The following HMCN2 variants were observed in gnomAD, a reference collection of about 807,000 sequenced individuals.
HMCN2 encodes the protein hemicentin 2, also known as hemicentin-2.
Under a neutral mutation model 377.5 loss-of-function variants are expected in HMCN2, and 325 were observed. That is an observed-to-expected ratio of 0.86 (90% confidence interval 0.79 to 0.94). The LOEUF (loss-of-function observed/expected upper bound fraction) is 0.94, where lower values mean the gene tolerates loss of function less well. Ranked by LOEUF, HMCN2 falls within the 40% of genes least tolerant of loss-of-function variation. The pLI is 0.00. For synonymous variants in HMCN2, 2,007 were observed against 2,046.8 expected (o/e 0.98, Z 0.53); for missense variants, 4,543 against 4,725.3 (o/e 0.96, Z 1.13).
At position 130,422,479 on chromosome 9, in the gene HMCN2, C is replaced by G; in HGVS notation, c.13232-98C>G. ...AAGTGGAGGTGAACTCTCCGAGCCTCCATTTACTCCTTCACGAAATGGGAA... is the reference window on the plus strand; with the variant it reads ...AAGTGGAGGTGAACTCTCCGAGCCTGCATTTACTCCTTCACGAAATGGGAA... On this transcript the variant is annotated intron_variant, in intron 86 of 97. Transcript: ENST00000683500. This position sits in a 1 kb window ranked among gnomAD's most constrained non-coding sequence, Gnocchi z 4.2. 1.0e-6 allele frequency: 1 copy of G among 970,602 alleles called. No individual in the cohort carries two copies. Among genetic ancestry groups the G allele is most frequent in the Non-Finnish European group, 1.4e-6 (1 of 737,972 alleles). The allele number at this position is 970,602 out of a possible 1,614,324, so 60.1% of individuals were successfully genotyped here. A position where few individuals can be genotyped will look rare whatever the true frequency, so the allele number is the denominator to read the frequency against.
rs916668962 is a variant in HMCN2 at position 130,403,182 on chromosome 9, C to A, written c.11879-12C>A. ...ACATTCTCAGGGCCCTCTGCACCCC[C>A]GTCCTTTGTAGCCTCCCCGGTGGTG... On this transcript the variant is annotated splice_polypyrimidine_tract_variant and intron_variant, in intron 78 of 97. Coordinates refer to ENST00000683500, the MANE Select transcript of HMCN2 (RefSeq NM_001291815.2). The A allele has an allele frequency of 7.8e-7, 1 of 1,287,486 alleles. No individual in the cohort carries two copies. Among genetic ancestry groups the A allele is most frequent in the African/African-American group, 1.5e-5 (1 of 65,824 alleles). The allele number at this position is 1,287,486 out of a possible 1,614,324, so 79.8% of individuals were successfully genotyped here. A position where few individuals can be genotyped will look rare whatever the true frequency, so the allele number is the denominator to read the frequency against.
chr9:130,373,992 G>A (rs1841234044), intron 48 of HMCN2, among the ~76,000 whole-genome samples: 4 of 151,262 alleles, frequency 2.6e-5, no homozygotes, highest in Admixed American at 2.6e-4. Context: ...GGGTGAATGG[G>A]TGGATGGTTG....
At chr9:130,366,038 A>G (rs776372813) in intron 43 of HMCN2, 43 bp downstream of exon 43, 141 of 985,598 alleles carry the variant, frequency 1.4e-4, no homozygotes, top group Non-Finnish European at 1.6e-4. Flanking sequence ...ATTGCCAGGC[A>G]CAAGGAGGCT....
At chr9:130,314,887 G>A (rs1380809185) in intron 15 of HMCN2, among the ~76,000 whole-genome samples, 3 of 152,084 alleles carry the variant, frequency 2.0e-5, no homozygotes, top group African/African-American at 2.4e-5. Context: ...GTGAGGATGG[G>A]ACTCATTCCT....
At chr9:130,278,150 A>G (rs1379973161) in intron 1 of HMCN2, among the ~76,000 whole-genome samples, 2 of 151,914 alleles carry the variant, frequency 1.3e-5, no homozygotes, top group African/African-American at 2.4e-5. Context: ...TTTGAGACGC[A>G]GTCTCGCTCT....
At chr9:130,387,537 T>C (rs1232190083) in intron 61 of HMCN2, among the ~76,000 whole-genome samples, 1 of 152,196 alleles carries the variant, frequency 6.6e-6, no homozygotes, top group African/African-American at 2.4e-5. Flanking sequence ...CATACAGAAG[T>C]TGCACCTGTC....
At chr9:130,288,161 A>G (rs2131289493) in intron 4 of HMCN2, among the ~76,000 whole-genome samples, 1 of 152,320 alleles carries the variant, frequency 6.6e-6, no homozygotes, top group Non-Finnish European at 1.5e-5. Flanking sequence ...AATCAGACAC[A>G]GGGCAGCTGG....
chr9:130,314,753 G>T (rs1315560943), intron 15 of HMCN2, among the ~76,000 whole-genome samples: 1 of 152,206 alleles, frequency 6.6e-6, no homozygotes, highest in East Asian at 1.9e-4. Flanking sequence ...ACAGCCCTGG[G>T]TGGGAGGCAG....
chr9:130,285,246 C>T lies in HMCN2; in HGVS notation c.419C>T (p.Ser140Leu), dbSNP rs782130658. 3.6e-5 allele frequency: 17 copies of T among 471,022 alleles called. No homozygotes were observed. Among genetic ancestry groups the T allele is most frequent in the Non-Finnish European group, 5.3e-5 (12 of 227,058 alleles). 29.2% of individuals were successfully genotyped at this position (471,022 alleles called of 1,614,324 possible). ...CCCGGATCCTTCATCTACGTCTTTT[C>T]GGATGCCCGCGCCAAAGACTATCAC... Reference protein sequence around the residue: ...ANPGSFIYVFSDARAKDYHKK... With the variant: ...ANPGSFIYVFLDARAKDYHKK... The change falls in exon 3 of 98, where the codon TCG (serine) becomes TTG (leucine). Residue 140 changes from serine (S) to leucine (L), a missense_variant. Around this residue, in one of 5 missense-constraint regions of HMCN2, gnomAD observed 547 missense variants for 189.9 expected, o/e 2.88. Transcript: ENST00000683500.
chr9:130,363,896 A>G (rs1007399515), intron 40 of HMCN2, among the ~76,000 whole-genome samples: 3 of 95,214 alleles, frequency 3.2e-5, no homozygotes, highest in Non-Finnish European at 7.3e-5. Context: ...AAGGAAGGAG[A>G]GAGGGAGAGA....
chr9:130,386,331 T>G, intron 60 of HMCN2, 112 bp from the exon 61 acceptor site: 1 of 474,138 alleles, frequency 2.1e-6, no homozygotes, highest in Non-Finnish European at 3.6e-6. Flanking sequence ...AGGACCAGCA[T>G]ATTTGGGAGG....
rs1840806929 is a variant in HMCN2, at chr9:130,368,311, C to T, written c.6661C>T (p.His2221Tyr). ...CCCCGGGGAGGGGGCTGGCCTCCAGCACGTGTCGGCTGTGGGGAGGCTGTT... is the reference window on the plus strand; with the variant it reads ...CCCCGGGGAGGGGGCTGGCCTCCAGTACGTGTCGGCTGTGGGGAGGCTGTT... ...PLPGEGAGLQHVSAVGRLLYL... is the reference protein window; with the variant it reads ...PLPGEGAGLQYVSAVGRLLYL... Residue 2221 changes from histidine to tyrosine, a missense_variant, in exon 44 of 98, where the codon CAC (histidine) becomes TAC (tyrosine). This residue lies in a region of HMCN2 where 1,032 missense variants were observed against 1,285.1 expected (regional missense o/e 0.80). Transcript: ENST00000683500. 1.0e-6 allele frequency: 1 copy of T among 985,672 alleles called. No homozygotes were observed. The highest frequency in any genetic ancestry group is 1.7e-5 in the African/African-American group (1 of 57,224). The allele number at this position is 985,672 out of a possible 1,614,324, so 61.1% of individuals were successfully genotyped here.
At chr9:130,276,269 C>A (rs1466177697) in intron 1 of HMCN2, among the ~76,000 whole-genome samples, 5 of 152,116 alleles carry the variant, frequency 3.3e-5, no homozygotes, top group African/African-American at 1.2e-4. Flanking sequence ...TTGGCACCTG[C>A]AGTCCAGCCA....
chr9:130,371,274 T>TG (rs1377449870), intron 46 of HMCN2, 143 bp downstream of exon 46: 3 of 337,360 alleles, frequency 8.9e-6, no homozygotes, highest in Non-Finnish European at 1.3e-5. Flanking sequence ...CCCCAAAGAA[T>TG]GCAGCCCAAA....
chr9:130,268,456 G>T (rs1588145753), intron 1 of HMCN2, among the ~76,000 whole-genome samples: 1 of 129,112 alleles, frequency 7.7e-6, no homozygotes, highest in African/African-American at 2.5e-5. Context: ...AGTGTAAAGG[G>T]GCATGGTTCA....
At position 130,320,188 on chromosome 9, in the gene HMCN2, C is replaced by T. The variant is rs975249440; in HGVS notation, c.2552-168C>T. 9.2e-5 allele frequency among the ~76,000 whole-genome samples: 14 copies of T among 152,318 alleles called. No individual in the cohort carries two copies. The East Asian group carries it at 2.7e-3, about 29-fold the overall frequency. On this transcript the variant is annotated intron_variant, in intron 16 of 97. Coordinates refer to ENST00000683500, the MANE Select transcript of HMCN2 (RefSeq NM_001291815.2). ...GGCTTTCTCACCTTCCAAGGTCCAG[C>T]GGTGTCCCTCACCCCTTCCCTCTCT...
rs1018553938 is a variant in HMCN2, at chr9:130,388,362, T to C, written c.9392-47T>C. On this transcript the variant is annotated intron_variant, in intron 61 of 97. Transcript: ENST00000683500. Reference sequence around the variant, plus strand: ...CCTGATCTGCCTGAGGGGAAGGAAATTGGGGAAGAGTCTCAGAATTCTGAC... The same window carrying C: ...CCTGATCTGCCTGAGGGGAAGGAAACTGGGGAAGAGTCTCAGAATTCTGAC... 1.2e-5 allele frequency: 12 copies of C among 987,450 alleles called. No individual in the cohort carries two copies. In the African/African-American group the frequency reaches 2.1e-4, roughly 17 times the overall value. 61.2% of individuals were successfully genotyped at this position (987,450 alleles called of 1,614,324 possible). A position where few individuals can be genotyped will look rare whatever the true frequency, so the allele number is the denominator to read the frequency against.
chr9:130,428,861 A>G lies in HMCN2; in HGVS notation c.14197+372A>G, dbSNP rs1023104029. On this transcript the variant is annotated intron_variant, in intron 93 of 97. Transcript: ENST00000683500. The surrounding 1 kb of genome is among the most constrained non-coding windows in gnomAD (Gnocchi z 5.0). ...AGAGACCACCTCTGAATCCTTCTTG[A>G]CGCAGCAGCCCCTGCAGCCACAGTG... Among the ~76,000 whole-genome samples, 1 of 152,202 alleles carries G rather than the reference A, an allele frequency of 6.6e-6. No individual in the cohort carries two copies. Among genetic ancestry groups the G allele is most frequent in the Non-Finnish European group, 1.5e-5 (1 of 68,016 alleles).
chr9:130,425,439 C>T (rs1171460809), intron 89 of HMCN2, among the ~76,000 whole-genome samples: 1 of 151,340 alleles, frequency 6.6e-6, no homozygotes, highest in East Asian at 1.9e-4. Flanking sequence ...GGAGGCTCAC[C>T]CCATCTCCTC....
Sources: gnomAD v4.1 joint callset for allele counts (sites outside exome capture counted in the v4.1 genomes callset) on GRCh38, gnomAD v4.1.1 for gene constraint, gnomAD v4.1.1 regional missense constraint, Gnocchi (gnomAD v3.1) non-coding constraint, MANE v1.5 for transcripts, NCBI Gene and HGNC (gene_info 2026-07-23, HGNC 2026-07-21) for gene names.